Variants in CSMD1 observed in about 807,000 individuals in gnomAD.
CSMD1 encodes the protein CUB and Sushi multiple domains 1.
Under a neutral mutation model 417.5 loss-of-function variants are expected in CSMD1, and 213 were observed. That is an observed-to-expected ratio of 0.51 (90% CI 0.46 to 0.57). The LOEUF (loss-of-function observed/expected upper bound fraction) is 0.57. CSMD1 is among the 20% of genes least tolerant of loss of function. The pLI, the probability that CSMD1 is intolerant of heterozygous loss-of-function variation, is 0.00. For synonymous variants in CSMD1, 2,862 were observed against 1,736.8 expected (o/e 1.65, Z -16.11); for missense variants, 6,923 against 4,529.7 (o/e 1.53, Z -15.17).
chr8:3,051,967 A>T (rs1255675370), intron 50 of CSMD1, among the ~76,000 whole-genome samples: 1 of 152,222 alleles, frequency 6.6e-6, no homozygotes, highest in Non-Finnish European at 1.5e-5. Context: ...CCCACTTCAC[A>T]AATCAAATTA....
At chr8:3,275,312 G>A (rs932001388) in intron 26 of CSMD1, among the ~76,000 whole-genome samples, 1 of 152,214 alleles carries the variant, frequency 6.6e-6, no homozygotes, top group Middle Eastern at 3.4e-3. Flanking sequence ...TTAGTCTGAT[G>A]GGCTTCCCTT....
At chr8:3,719,072 G>A (rs1328650019) in intron 6 of CSMD1, among the ~76,000 whole-genome samples, 1 of 152,132 alleles carries the variant, frequency 6.6e-6, no homozygotes, top group Non-Finnish European at 1.5e-5. Flanking sequence ...CTCCTGAGGT[G>A]GAAAACAGAG....
intron 4 of CSMD1, among the ~76,000 whole-genome samples, chr8:4,031,546 T>C (rs1411512306): frequency 6.6e-6 from 1 of 152,206 alleles, no homozygotes; most frequent in Non-Finnish European, 1.5e-5. Flanking sequence ...GGAACTACCG[T>C]TCAACATGAG....
intron 6 of CSMD1, among the ~76,000 whole-genome samples, chr8:3,753,575 A>G (rs1258434365): frequency 6.6e-6 from 1 of 152,226 alleles, no homozygotes; most frequent in Non-Finnish European, 1.5e-5. Context: ...CATGCAACCT[A>G]TATGCTATAG....
At chr8:3,209,872 C>A (rs1163107991) in intron 30 of CSMD1, among the ~76,000 whole-genome samples, 1 of 152,114 alleles carries the variant, frequency 6.6e-6, no homozygotes, top group African/African-American at 2.4e-5. Flanking sequence ...ACATCTCGTA[C>A]ATAAAAGCAA....
chr8:4,008,635 G>C (rs1179487154), intron 4 of CSMD1, among the ~76,000 whole-genome samples: 1 of 113,288 alleles, frequency 8.8e-6, no homozygotes, highest in Non-Finnish European at 1.7e-5. Flanking sequence ...TTTTGAGACA[G>C]GGTCTCGCTC....
intron 3 of CSMD1, among the ~76,000 whole-genome samples, chr8:4,195,451 G>T (rs1408249622): frequency 6.6e-6 from 1 of 152,122 alleles, no homozygotes; most frequent in Non-Finnish European, 1.5e-5. Context: ...GACGAGTGTG[G>T]CAGTACAGCC....
chr8:3,453,760 G>A (rs1455107417), intron 12 of CSMD1, among the ~76,000 whole-genome samples: 1 of 152,144 alleles, frequency 6.6e-6, no homozygotes, highest in Non-Finnish European at 1.5e-5. Context: ...AATAGGTGTG[G>A]TATGGTGCTG....
chr8:4,961,840 C>T (rs938478212), intron 1 of CSMD1, among the ~76,000 whole-genome samples: 1 of 152,006 alleles, frequency 6.6e-6, no homozygotes, highest in Non-Finnish European at 1.5e-5. Context: ...TTCCTGTTGT[C>T]CACGTCTTGA....
intron 18 of CSMD1, among the ~76,000 whole-genome samples, chr8:3,385,090 T>G: frequency 1.0e-5 from 1 of 97,906 alleles, no homozygotes; most frequent in African/African-American, 4.4e-5. Context: ...AATTTATATA[T>G]AAAATATATA....
chr8:4,789,878 G>A (rs1475630423), intron 1 of CSMD1, among the ~76,000 whole-genome samples: 2 of 152,126 alleles, frequency 1.3e-5, no homozygotes, highest in African/African-American at 4.8e-5. Context: ...TTATTTTACA[G>A]ACTTGCCTAA....
At chr8:2,971,649 G>A (rs1263162621) in intron 57 of CSMD1, among the ~76,000 whole-genome samples, 3 of 152,148 alleles carry the variant, frequency 2.0e-5, no homozygotes, top group African/African-American at 4.8e-5. Context: ...AAACACTCTG[G>A]TTTTGGTGAG....
intron 52 of CSMD1, among the ~76,000 whole-genome samples, chr8:3,000,372 G>C (rs1277238192): frequency 6.6e-6 from 1 of 150,540 alleles, no homozygotes; most frequent in Non-Finnish European, 1.5e-5. Context: ...TTTCCTAGTT[G>C]TGATTTTCCC....
At chr8:4,649,826 T>C (rs769934863) in intron 1 of CSMD1, among the ~76,000 whole-genome samples, 6 of 152,256 alleles carry the variant, frequency 3.9e-5, no homozygotes, top group Non-Finnish European at 7.3e-5. Flanking sequence ...TCTGACCTGA[T>C]ACTACAATAT....
At chr8:4,520,488 G>C (rs1312001108) in intron 2 of CSMD1, among the ~76,000 whole-genome samples, 1 of 152,096 alleles carries the variant, frequency 6.6e-6, no homozygotes, top group South Asian at 2.1e-4. Flanking sequence ...GATGAAATGG[G>C]TCACACAGTA....
rs1554518393 is a variant in CSMD1, at chr8:3,709,680, G to GGCTTTTTTTTTTTTTTT, written c.932-1190_932-1189insAAAAAAAAAAAAAAAGC. Among the ~76,000 whole-genome samples the GGCTTTTTTTTTTTTTTT allele has an allele frequency of 7.1e-4, 24 of 33,698 alleles. 3 individuals are homozygous for GGCTTTTTTTTTTTTTTT. The highest frequency in any genetic ancestry group is 2.1e-3 in the African/African-American group (20 of 9,448). 22.1% of individuals were successfully genotyped at this position (33,698 alleles called of 152,430 possible). On this transcript the variant is annotated intron_variant, in intron 6 of 69. Coordinates refer to ENST00000635120, the MANE Select transcript of CSMD1 (RefSeq NM_033225.6). ...GATGGGCTTTAAATTGCAGCAGCAT[G>GGCTTTTTTTTTTTTTTT]TTTTTTTTTTTTTTTTTTTTTTTTT...
intron 1 of CSMD1, among the ~76,000 whole-genome samples, chr8:4,957,987 A>T (rs558295064): frequency 6.6e-6 from 1 of 152,238 alleles, no homozygotes; most frequent in South Asian, 2.1e-4. Flanking sequence ...TTTTTCCATA[A>T]TTGTGTGATG....
chr8:4,833,439 A>G (rs1197114569), intron 1 of CSMD1, among the ~76,000 whole-genome samples: 1 of 152,192 alleles, frequency 6.6e-6, no homozygotes, highest in Non-Finnish European at 1.5e-5. Flanking sequence ...CCATGATCCA[A>G]TCACCTCTCA....
At chr8:3,553,946 A>G (rs1347266461) in intron 10 of CSMD1, among the ~76,000 whole-genome samples, 2 of 152,188 alleles carry the variant, frequency 1.3e-5, no homozygotes, top group African/African-American at 4.8e-5. Flanking sequence ...GGCAAAACAG[A>G]ATGTAATTTG....
Sources: gnomAD v4.1 joint callset for allele counts (sites outside exome capture counted in the v4.1 genomes callset) on GRCh38, gnomAD v4.1.1 for gene constraint, MANE v1.5 for transcripts, NCBI Gene and HGNC (gene_info 2026-07-23, HGNC 2026-07-21) for gene names.